GDF3: variants seen among roughly 807,000 people sequenced by gnomAD.
GDF3 encodes the protein growth/differentiation factor 3.
Under a neutral mutation model 10.2 loss-of-function variants are expected in GDF3, and 10 were observed. The observed-to-expected ratio is 0.98, with a 90% confidence interval of 0.60 to 1.66. GDF3 has a LOEUF of 1.66. GDF3 is among the 40% of genes most tolerant of loss of function. The pLI is 0.00. For missense variants in GDF3, 450 were observed against 438.3 expected (o/e 1.03, Z -0.24); for synonymous variants, 166 against 178.5 (o/e 0.93, Z 0.56).
intron 1 of GDF3, among the ~76,000 whole-genome samples, chr12:7,691,819 A>G (rs1396800604): frequency 1.3e-5 from 2 of 150,496 alleles, no homozygotes; most frequent in Non-Finnish European, 3.0e-5. Context: ...CATCCTGGCT[A>G]ACACGGTAAA....
chr12:7,693,007 A>T (rs1205871575), intron 1 of GDF3, among the ~76,000 whole-genome samples: 1 of 152,002 alleles, frequency 6.6e-6, no homozygotes, highest in East Asian at 1.9e-4. Context: ...GAAGTTACAA[A>T]TGTGCTCTCC....
Position 7,695,722 on chromosome 12 carries a change from G to C in GDF3, c.7C>G (p.Arg3Gly). Reference protein sequence around the residue: MLRFLPDLAFSFL... With the variant: MLGFLPDLAFSFL... ...CTGAAAGCCAAATCTGGCAAGAAAC[G>C]AAGCATGGCCTCTGGAGTGGCTGTC... The change falls in exon 1 of 2, where the codon CGT (arginine) becomes GGT (glycine). Residue 3 changes from arginine to glycine, a missense_variant. Transcript: ENST00000329913. 1 of 1,614,122 alleles carries C rather than the reference G, an allele frequency of 6.2e-7. No homozygotes were observed. Among genetic ancestry groups the C allele is most frequent in the African/African-American group, 1.3e-5 (1 of 75,032 alleles).
chr12:7,690,358 C>T lies in GDF3; in HGVS notation c.615G>A (p.Leu205=), dbSNP rs1399533347. The change falls in exon 2 of 2, where the codon CTG becomes CTA. Residue 205 remains leucine, a synonymous_variant. Transcript: ENST00000329913. The part of the protein sequence containing the change: ...RKNFGLFLEI[L]VKEDRDSGVN... ...CCCCTGAGTCTCTATCTTCTTTGAC[C>T]AGTATCTCCAGGAATAACCCGAAAT... 1.2e-6 allele frequency: 2 copies of T among 1,614,028 alleles called. No homozygotes were observed. The highest frequency in any genetic ancestry group is 1.7e-6 in the Non-Finnish European group (2 of 1,179,948).
rs767679623 is a variant in GDF3, at chr12:7,690,603, A to T, written c.370T>A (p.Leu124Met). ...CCCAAGTCCAGGCCCAGCTGGGCCA[A>T]TGTCAACTGTTCCCTTTCTTTGATG... ...SAIKEREQLT[L>M]AQLGLDLGPN... The change falls in exon 2 of 2, where the codon TTG becomes ATG. Residue 124 changes from leucine (L) to methionine (M), a missense_variant. Coordinates refer to ENST00000329913, the MANE Select transcript of GDF3 (RefSeq NM_020634.3). The T allele has an allele frequency of 2.5e-6, 4 of 1,607,568 alleles. No homozygotes were observed. In the Admixed American group the frequency reaches 6.8e-5, roughly 27 times the overall value.
chr12:7,690,815 C>G, intron 1 of GDF3, 111 bp from the exon 2 acceptor site: 1 of 701,418 alleles, frequency 1.4e-6, no homozygotes, highest in Admixed American at 2.5e-5. Context: ...CAGGGAAAGA[C>G]ACAAGCCCTG....
chr12:7,691,560 TAAAAG>T (rs954027937), intron 1 of GDF3, among the ~76,000 whole-genome samples: 11 of 141,172 alleles, frequency 7.8e-5, no homozygotes, highest in African/African-American at 2.7e-4. Flanking sequence ...AATAAATAAA[TAAAAG>T]AAAAGAAAAA....
In GDF3 at chr12:7,690,283, A is replaced by G; in HGVS notation, c.690T>C (p.His230=). ...DTCARLRCSL[H]ASLLVVTLNP... The stretch of plus-strand genomic sequence containing the variant: ...TGAGAGTCACCACCAGCAGGGAAGC[A>G]TGAAGGGAGCATCTTAGTCTGGCAC... The change falls in exon 2 of 2, where the codon CAT becomes CAC. Residue 230 remains histidine (H), a synonymous_variant. Transcript: ENST00000329913. 1.2e-6 allele frequency: 2 copies of G among 1,614,154 alleles called. No individual in the cohort carries two copies. Among genetic ancestry groups the G allele is most frequent in the Non-Finnish European group, 1.7e-6 (2 of 1,180,020 alleles).
rs2136875454 is a variant in GDF3, at chr12:7,690,623, T to C, written c.350A>G (p.Lys117Arg). ...KLLYFNLSAI[K>R]EREQLTLAQL... ...GGCCAATGTCAACTGTTCCCTTTCT[T>C]TGATGGCAGACAGGTTAAAGTAGAG... Residue 117 changes from lysine to arginine, a missense_variant, in exon 2 of 2, where the codon AAA (lysine) becomes AGA (arginine). Lys to Arg is a conservative substitution (Grantham distance 26). Coordinates refer to ENST00000329913, the MANE Select transcript of GDF3 (RefSeq NM_020634.3). The C allele has an allele frequency of 6.2e-7, 1 of 1,609,006 alleles. No individual in the cohort carries two copies. Among genetic ancestry groups the C allele is most frequent in the Non-Finnish European group, 8.5e-7 (1 of 1,178,554 alleles).
chr12:7,690,729 G>A (rs758161884), intron 1 of GDF3, 25 bp from the exon 2 acceptor site: 3 of 1,290,450 alleles, frequency 2.3e-6, no homozygotes, highest in Non-Finnish European at 3.4e-6. Context: ...AGACATGTCA[G>A]AGTCATAATG....
chr12:7,691,141 C>T (rs1462896581), intron 1 of GDF3, among the ~76,000 whole-genome samples: 1 of 141,852 alleles, frequency 7.0e-6, no homozygotes, highest in African/African-American at 2.6e-5. Flanking sequence ...CAGAGCAAGA[C>T]TCCGTCTCAA....
Position 7,690,609 on chromosome 12 carries a change from A to G in GDF3, c.364T>C (p.Leu122=), listed in dbSNP as rs756217564. 4 of 1,608,202 alleles carry G rather than the reference A, an allele frequency of 2.5e-6. No homozygotes were observed. Among genetic ancestry groups the G allele is most frequent in the Non-Finnish European group, 3.4e-6 (4 of 1,177,962 alleles). ...TCCAGGCCCAGCTGGGCCAATGTCA[A>G]CTGTTCCCTTTCTTTGATGGCAGAC... ...NLSAIKEREQ[L]TLAQLGLDLG... The change falls in exon 2 of 2, where the codon TTG becomes CTG. Residue 122 remains leucine, a synonymous_variant. Coordinates refer to ENST00000329913, the MANE Select transcript of GDF3 (RefSeq NM_020634.3).
At chr12:7,691,546 A>C (rs1864130049) in intron 1 of GDF3, among the ~76,000 whole-genome samples, 1 of 151,526 alleles carries the variant, frequency 6.6e-6, no homozygotes, top group Admixed American at 6.6e-5. Flanking sequence ...ATCTCTACAA[A>C]ATAAATAAAT....
rs752447455 is a variant in GDF3, at chr12:7,689,906, A to G, written c.1067T>C (p.Met356Thr). 1.2e-6 allele frequency: 2 copies of G among 1,612,220 alleles called. No homozygotes were observed. Among genetic ancestry groups the G allele is most frequent in the East Asian group, 2.2e-5 (1 of 44,880 alleles). ...DNVILRHYED[M>T]VVDECGCG is the part of the protein sequence containing the mutation. ...CCCACACCCACATTCATCGACTACC[A>G]TGTCTTCATAATGTCGTAGAATGAC... The change falls in exon 2 of 2, where the codon ATG becomes ACG. Residue 356 changes from methionine (M) to threonine (T), a missense_variant. Met to Thr is a moderately conservative substitution (Grantham distance 81). Coordinates refer to ENST00000329913, the MANE Select transcript of GDF3 (RefSeq NM_020634.3).
intron 1 of GDF3, 88 bp from the exon 2 acceptor site, chr12:7,690,792 T>A (rs770511880): frequency 7.7e-6 from 6 of 783,060 alleles, no homozygotes; most frequent in Middle Eastern, 2.3e-4. Flanking sequence ...CACCCACATA[T>A]ACAATATAAG....
chr12:7,690,721 A>G lies in GDF3; in HGVS notation c.269-17T>C, dbSNP rs201863761. 2.8e-5 allele frequency: 39 copies of G among 1,397,984 alleles called. 1 individual carries two copies. The Admixed American group carries it at 6.2e-4, about 22-fold the overall frequency. The allele number at this position is 1,397,984 out of a possible 1,614,324, so 86.6% of individuals were successfully genotyped here. A position where few individuals can be genotyped will look rare whatever the true frequency, so the allele number is the denominator to read the frequency against. ...GAAAGAAACCTAGATGGGAAAAGAG[A>G]CATGTCAGAGTCATAATGATGTATT... On this transcript the variant is annotated splice_polypyrimidine_tract_variant and intron_variant, in intron 1 of 1. Coordinates refer to ENST00000329913, the MANE Select transcript of GDF3 (RefSeq NM_020634.3).
At position 7,690,733 on chromosome 12, in the gene GDF3, C is replaced by A; in HGVS notation, c.269-29G>T. 2.4e-6 allele frequency: 3 copies of A among 1,258,678 alleles called. No individual in the cohort carries two copies. In the South Asian group the frequency reaches 3.6e-5, roughly 15 times the overall value. The allele number at this position is 1,258,678 out of a possible 1,614,324, so 78.0% of individuals were successfully genotyped here. A position where few individuals can be genotyped will look rare whatever the true frequency, so the allele number is the denominator to read the frequency against. ...GATGGGAAAAGAGACATGTCAGAGT[C>A]ATAATGATGTATTTACTTCATATCC... is the stretch of plus-strand genomic sequence containing the variant. On this transcript the variant is annotated intron_variant, in intron 1 of 1. Coordinates refer to ENST00000329913, the MANE Select transcript of GDF3 (RefSeq NM_020634.3).
At chr12:7,695,118 C>G (rs1160343267) in intron 1 of GDF3, among the ~76,000 whole-genome samples, 3 of 152,124 alleles carry the variant, frequency 2.0e-5, no homozygotes, top group Non-Finnish European at 2.9e-5. Context: ...GGGTGGGAGA[C>G]TGAGCTCTGA....
chr12:7,690,761 C>T, intron 1 of GDF3, 57 bp from the exon 2 acceptor site: 1 of 976,278 alleles, frequency 1.0e-6, no homozygotes, highest in East Asian at 2.4e-5. Context: ...TCATATCCAC[C>T]TATATAATAG....
rs745795680 is a variant in GDF3 at position 7,695,712 on chromosome 12, G to A, written c.17C>T (p.Pro6Leu). Reference sequence around the variant, plus strand: ...TAACAGGAAGCTGAAAGCCAAATCTGGCAAGAAACGAAGCATGGCCTCTGG... The same window carrying A: ...TAACAGGAAGCTGAAAGCCAAATCTAGCAAGAAACGAAGCATGGCCTCTGG... MLRFL[P>L]DLAFSFLLIL... The change falls in exon 1 of 2, where the codon CCA (proline) becomes CTA (leucine). Residue 6 changes from proline to leucine, a missense_variant. By Grantham distance (98) the Pro-to-Leu change is moderately conservative. Coordinates refer to ENST00000329913, the MANE Select transcript of GDF3 (RefSeq NM_020634.3). The A allele has an allele frequency of 2.5e-6, 4 of 1,614,146 alleles. No individual in the cohort carries two copies. Among genetic ancestry groups the A allele is most frequent in the South Asian group, 1.1e-5 (1 of 91,074 alleles).
Sources: gnomAD v4.1 joint callset for allele counts (sites outside exome capture counted in the v4.1 genomes callset) on GRCh38, gnomAD v4.1.1 for gene constraint, MANE v1.5 for transcripts, NCBI Gene and HGNC (gene_info 2026-07-23, HGNC 2026-07-21) for gene names.